The following RAB27B variants were observed in gnomAD, a reference collection of about 807,000 sequenced individuals.
RAB27B encodes the protein ras-related protein Rab-27B.
RAB27B carries 15 observed loss-of-function variants against 24.6 expected under a neutral mutation model. The observed-to-expected ratio is 0.61, with a 90% CI of 0.41 to 0.94. RAB27B has a LOEUF of 0.94. RAB27B is among the 40% of genes least tolerant of loss of function. RAB27B has a pLI of 0.00. For missense variants in RAB27B, 261 were observed against 266.8 expected, an observed-to-expected ratio of 0.98 and a Z score of 0.15; for synonymous variants, 105 against 92.5, an observed-to-expected ratio of 1.14 and a Z score of -0.78.
chr18:54,886,645 G>A (rs991143263), intron 4 of RAB27B, among the ~76,000 whole-genome samples: 1 of 151,868 alleles, frequency 6.6e-6, no homozygotes, highest in African/African-American at 2.4e-5. Context: ...AGATTCCCAG[G>A]AGACAAGGAG....
intron 2 of RAB27B, among the ~76,000 whole-genome samples, chr18:54,739,135 A>T (rs1197144308): frequency 6.6e-6 from 1 of 152,074 alleles, no homozygotes; most frequent in Admixed American, 6.6e-5. Flanking sequence ...ATTTATTAGT[A>T]CTCAATAGTA....
intron 1 of RAB27B, among the ~76,000 whole-genome samples, chr18:54,857,842 A>T (rs1405042662): frequency 6.6e-6 from 1 of 152,254 alleles, no homozygotes; most frequent in Non-Finnish European, 1.5e-5. Context: ...TTGCATCCTT[A>T]TACTCATTCC....
chr18:54,805,751 G>A (rs12970424), intron 2 of RAB27B, among the ~76,000 whole-genome samples: 34,497 of 152,110 alleles, frequency 0.23, 4,188 homozygotes, highest in East Asian at 0.4. Context: ...CATTCACCAA[G>A]CATTTGTTTT....
At chr18:54,843,267 A>G (rs1237608252) in intron 1 of RAB27B, among the ~76,000 whole-genome samples, 1 of 152,210 alleles carries the variant, frequency 6.6e-6, no homozygotes, top group Non-Finnish European at 1.5e-5. Context: ...AGGCACTACA[A>G]TAAATTACAA....
At chr18:54,849,736 A>G (rs1911482583) in intron 1 of RAB27B, among the ~76,000 whole-genome samples, 1 of 152,058 alleles carries the variant, frequency 6.6e-6, no homozygotes, top group Admixed American at 6.6e-5. Flanking sequence ...AAACAAACAA[A>G]AAGAAGGTAA....
At position 54,891,035 on chromosome 18, in the gene RAB27B, T is replaced by C. The variant is rs1913347507; in HGVS notation, c.*1622T>C. On this transcript the variant is annotated 3_prime_UTR_variant, in exon 6 of 6. Transcript: ENST00000262094. ...GATTTTTTGACAGGCTGTTTCCTCG[T>C]CGTATAGATTTTTTCCAATCAAACC... The C allele has an allele frequency of 6.6e-6, 1 of 151,818 alleles. No homozygotes were observed. The highest frequency in any genetic ancestry group is 1.5e-5 in the Non-Finnish European group (1 of 67,936). The allele number at this position is 151,818 out of a possible 1,614,324, so 9.4% of individuals were successfully genotyped here.
At chr18:54,776,495 T>C (rs577476020) in intron 2 of RAB27B, among the ~76,000 whole-genome samples, 138 of 152,140 alleles carry the variant, frequency 9.1e-4, no homozygotes, top group African/African-American at 3.2e-3. Context: ...CAGAAGAGAG[T>C]AGTCATCACT....
intron 2 of RAB27B, among the ~76,000 whole-genome samples, chr18:54,729,326 G>A (rs1157526723): frequency 6.6e-6 from 1 of 152,150 alleles, no homozygotes; most frequent in Non-Finnish European, 1.5e-5. Context: ...AAGGAGAGGA[G>A]TGATATTCTA....
At chr18:54,865,237 TTGTGTGTGTGTGTGTGTGTGTG>T (rs3060044) in intron 1 of RAB27B, among the ~76,000 whole-genome samples, 19 of 143,392 alleles carry the variant, frequency 1.3e-4, no homozygotes, top group African/African-American at 5.0e-4. Context: ...CAATGGCCTT[TTGTGTGTGTGTGTGTGTGTGTG>T]TGTGTGTGTG....
chr18:54,776,798 C>G (rs934292203), intron 2 of RAB27B, among the ~76,000 whole-genome samples: 1 of 152,168 alleles, frequency 6.6e-6, no homozygotes, highest in African/African-American at 2.4e-5. Flanking sequence ...GTCAGGCATG[C>G]CCGTAATCCC....
rs770942998 is a variant in RAB27B, at chr18:54,733,189, G to A, written c.-20+15048G>A. ...GCTTCCCAAGTAGCTGGGACTATAG[G>A]TGCATACCACCATGCCTGGCTAATT... On this transcript the variant is annotated intron_variant, in intron 2 of 4. Transcript: ENST00000586570. 5.9e-5 allele frequency among the ~76,000 whole-genome samples: 9 copies of A among 152,092 alleles called. No homozygotes were observed. In the South Asian group the frequency reaches 1.0e-3, roughly 18 times the overall value.
chr18:54,779,413 T>G (rs560407021), intron 2 of RAB27B, among the ~76,000 whole-genome samples: 124 of 152,250 alleles, frequency 8.1e-4, no homozygotes, highest in African/African-American at 2.8e-3. Context: ...ACAATTTCTA[T>G]TATCCCATTG....
chr18:54,869,503 C>T (rs1167623365), intron 1 of RAB27B, among the ~76,000 whole-genome samples: 1 of 152,130 alleles, frequency 6.6e-6, no homozygotes, highest in African/African-American at 2.4e-5. Flanking sequence ...AGAAATTGAC[C>T]CCACAGCACT....
chr18:54,880,130 A>G (rs894108024), intron 3 of RAB27B: 1 of 152,214 alleles, frequency 6.6e-6, no homozygotes, highest in Non-Finnish European at 1.5e-5. Flanking sequence ...TTCTATTTGT[A>G]TCTTTAACTG....
intron 2 of RAB27B, among the ~76,000 whole-genome samples, chr18:54,734,562 A>G (rs1175509715): frequency 6.9e-6 from 1 of 145,754 alleles, no homozygotes; most frequent in Admixed American, 6.8e-5. Flanking sequence ...GACTTGATCA[A>G]TGTTTTCTCT....
chr18:54,884,084 T>C (rs1022133012), intron 3 of RAB27B, among the ~76,000 whole-genome samples: 2 of 150,130 alleles, frequency 1.3e-5, no homozygotes, highest in African/African-American at 4.9e-5. Flanking sequence ...CATGATTGAA[T>C]GTTACAAACT....
At chr18:54,823,114 G>A (rs1910362931) in intron 2 of RAB27B, among the ~76,000 whole-genome samples, 1 of 152,154 alleles carries the variant, frequency 6.6e-6, no homozygotes, top group Non-Finnish European at 1.5e-5. Context: ...GTCTTTATGA[G>A]CTACACATTT....
At position 54,871,849 on chromosome 18, in the gene RAB27B, CAAAAAA is replaced by C. The variant is rs11388519; in HGVS notation, c.-19-5703_-19-5698del. 1.9e-3 allele frequency among the ~76,000 whole-genome samples: 160 copies of C among 85,976 alleles called. 2 individuals carry two copies. The East Asian group carries it at 0.046, about 25-fold the overall frequency. 56.4% of individuals were successfully genotyped at this position (85,976 alleles called of 152,430 possible). ...TGGGCGACAGAGCAAGACTCCATCT[CAAAAAA>C]AAAAAAAAAAAAAAGAAATATTAAG... On this transcript the variant is annotated intron_variant, in intron 1 of 5. Coordinates refer to ENST00000262094, the MANE Select transcript of RAB27B (RefSeq NM_004163.4).
chr18:54,864,506 C>A (rs79641378), intron 1 of RAB27B, among the ~76,000 whole-genome samples: 2 of 146,686 alleles, frequency 1.4e-5, no homozygotes, highest in Non-Finnish European at 3.0e-5. Context: ...ATTTTTTTTT[C>A]TTTTTTTGAG....
Sources: allele counts gnomAD v4.1 joint callset (sites outside exome capture counted in the v4.1 genomes callset), GRCh38; gene constraint gnomAD v4.1.1; transcripts MANE v1.5; gene names NCBI Gene and HGNC (gene_info 2026-07-23, HGNC 2026-07-21).